Variants in NRXN3 observed in about 807,000 individuals in gnomAD.
NRXN3 encodes neurexin III.
In NRXN3, 32 loss-of-function variants were observed where a neutral mutation model predicts 137.6. The ratio of observed to expected loss-of-function variants is 0.23; its 90% confidence interval spans 0.18 to 0.31. The LOEUF is 0.31. Among genes scored for constraint, NRXN3 ranks in the 10% least tolerant of loss-of-function variants. The pLI is 1.00. For synonymous variants in NRXN3, 798 were observed against 784.5 expected, an observed-to-expected ratio of 1.02 and a Z score of -0.29; for missense variants, 1,574 against 2,062.5, an observed-to-expected ratio of 0.76 and a Z score of 4.59.
At chr14:78,983,071 T>A (rs979979191) in intron 14 of NRXN3, among the ~76,000 whole-genome samples, 2 of 152,122 alleles carry the variant, frequency 1.3e-5, no homozygotes, top group Non-Finnish European at 2.9e-5. Context: ...AAATGCAAAC[T>A]GAAACCATGA....
intron 4 of NRXN3, among the ~76,000 whole-genome samples, chr14:78,389,805 A>C (rs547601230): frequency 8.5e-5 from 13 of 152,122 alleles, no homozygotes; most frequent in Non-Finnish European, 1.9e-4. Context: ...TGCTTTTTTA[A>C]TATTAAAAAC....
At chr14:78,349,411 G>A (rs1392412874) in intron 4 of NRXN3, among the ~76,000 whole-genome samples, 1 of 152,194 alleles carries the variant, frequency 6.6e-6, no homozygotes, top group African/African-American at 2.4e-5. Flanking sequence ...ATTCCCATCA[G>A]GATATTAGCT....
intron 15 of NRXN3, among the ~76,000 whole-genome samples, chr14:79,372,030 T>A (rs887283436): frequency 1.4e-4 from 21 of 152,320 alleles, no homozygotes; most frequent in South Asian, 8.3e-4. Flanking sequence ...ACAATTTATA[T>A]GCTGATATAG....
chr14:79,457,107 A>T (rs187315607), intron 15 of NRXN3, among the ~76,000 whole-genome samples: 9 of 152,194 alleles, frequency 5.9e-5, no homozygotes, highest in Non-Finnish European at 4.4e-5. Context: ...AATTGATTAC[A>T]CCTTAGTCCA....
chr14:78,925,675 T>C lies in NRXN3; in HGVS notation c.2276-31567T>C, dbSNP rs571232015. 2.0e-5 allele frequency among the ~76,000 whole-genome samples: 3 copies of C among 152,242 alleles called. No individual in the cohort carries two copies. The South Asian group carries it at 6.2e-4, about 32-fold the overall frequency. On this transcript the variant is annotated intron_variant, in intron 10 of 20. Coordinates refer to ENST00000335750, the MANE Select transcript of NRXN3 (RefSeq NM_001330195.2). The stretch of plus-strand genomic sequence containing the variant: ...TTGAATGACCTCCAGGATTTAAATA[T>C]AGTTATTGAAAGGGGCCGAACCAAT...
chr14:78,520,201 T>A (rs1307452328), intron 4 of NRXN3, among the ~76,000 whole-genome samples: 2 of 152,192 alleles, frequency 1.3e-5, no homozygotes, highest in African/African-American at 4.8e-5. Context: ...GGATACTACC[T>A]GTCCAATGGT....
chr14:79,161,073 A>T (rs542585549), intron 15 of NRXN3, among the ~76,000 whole-genome samples: 1 of 151,946 alleles, frequency 6.6e-6, no homozygotes, highest in South Asian at 2.1e-4. Flanking sequence ...GTAACCTGGA[A>T]TGCTTACTAA....
chr14:78,486,286 G>A (rs2095558083), intron 4 of NRXN3, among the ~76,000 whole-genome samples: 1 of 152,160 alleles, frequency 6.6e-6, no homozygotes, highest in Non-Finnish European at 1.5e-5. Flanking sequence ...GAGGTAGATG[G>A]TGAATGTTTT....
chr14:79,274,845 GAC>G (rs1332432546), intron 15 of NRXN3, among the ~76,000 whole-genome samples: 2 of 152,054 alleles, frequency 1.3e-5, no homozygotes, highest in Non-Finnish European at 2.9e-5. Flanking sequence ...CCACAGGGAG[GAC>G]AAGGGCATAA....
At chr14:78,715,416 C>T (rs190799557) in intron 8 of NRXN3, among the ~76,000 whole-genome samples, 40 of 152,210 alleles carry the variant, frequency 2.6e-4, no homozygotes, top group Admixed American at 2.4e-3. Context: ...GTAAATAATT[C>T]TCTTTTGGGA....
At chr14:79,284,343 C>CATATATATATATATATAG (rs2081839403) in intron 15 of NRXN3, among the ~76,000 whole-genome samples, 1 of 65,086 alleles carries the variant, frequency 1.5e-5, no homozygotes, top group Non-Finnish European at 2.9e-5. Flanking sequence ...ACTAAAAATA[C>CATATATATATATATATAG]ATATATATAT....
intron 1 of NRXN3, among the ~76,000 whole-genome samples, chr14:78,202,180 A>G (rs1325875935): frequency 3.3e-5 from 5 of 152,218 alleles, no homozygotes; most frequent in East Asian, 1.9e-4. Context: ...GTGAAGTAGG[A>G]GGGGGAAACG....
intron 20 of NRXN3, among the ~76,000 whole-genome samples, chr14:79,815,110 G>C (rs528928578): frequency 2.1e-4 from 32 of 152,126 alleles, no homozygotes; most frequent in Non-Finnish European, 2.9e-4. Context: ...TCTGAGAATA[G>C]AGTCTGAATT....
At chr14:79,185,749 GCCA>G (rs1204232739) in intron 15 of NRXN3, among the ~76,000 whole-genome samples, 1 of 152,194 alleles carries the variant, frequency 6.6e-6, no homozygotes, top group Non-Finnish European at 1.5e-5. Context: ...ACAGGCGTGA[GCCA>G]CCACCGTACC....
chr14:78,455,792 C>T (rs936193707), intron 4 of NRXN3, among the ~76,000 whole-genome samples: 3 of 152,158 alleles, frequency 2.0e-5, no homozygotes, highest in Non-Finnish European at 4.4e-5. Flanking sequence ...GTGGGCATTA[C>T]TCACCCTCTT....
At chr14:78,558,907 C>T (rs1008404304) in intron 4 of NRXN3, among the ~76,000 whole-genome samples, 5 of 152,198 alleles carry the variant, frequency 3.3e-5, no homozygotes, top group African/African-American at 1.2e-4. Flanking sequence ...AATGACAGGG[C>T]TCTAATTCAA....
At chr14:78,196,865 G>A (rs2061277041) in intron 1 of NRXN3, among the ~76,000 whole-genome samples, 2 of 152,208 alleles carry the variant, frequency 1.3e-5, no homozygotes, top group African/African-American at 4.8e-5. Flanking sequence ...GATCAAGACA[G>A]CCCTAGGTTA....
At chr14:79,012,444 T>C (rs2099572815) in intron 15 of NRXN3, among the ~76,000 whole-genome samples, 1 of 152,170 alleles carries the variant, frequency 6.6e-6, no homozygotes, top group African/African-American at 2.4e-5. Context: ...TATGGAGAAT[T>C]GCAGAAGTCC....
intron 19 of NRXN3, among the ~76,000 whole-genome samples, chr14:79,705,044 CG>C (rs1393239978): frequency 2.6e-5 from 4 of 151,996 alleles, no homozygotes; most frequent in African/African-American, 9.7e-5. Flanking sequence ...TGAGGGCAGA[CG>C]AAGTGTGAAA....
Sources: gnomAD v4.1 joint callset for allele counts (sites outside exome capture counted in the v4.1 genomes callset) on GRCh38, gnomAD v4.1.1 for gene constraint, MANE v1.5 for transcripts, NCBI Gene and HGNC (gene_info 2026-07-23, HGNC 2026-07-21) for gene names.